Variants in PLXND1 observed in about 807,000 individuals in gnomAD.
PLXND1 encodes the protein plexin D1, also known as plexin-D1.
A neutral mutation model predicts 197.7 loss-of-function variants in PLXND1; 54 were observed. The observed-to-expected ratio is 0.27, with a 90% CI of 0.22 to 0.34. The LOEUF is 0.34. Ranked by LOEUF, PLXND1 falls within the 10% of genes least tolerant of loss-of-function variation. PLXND1 has a pLI of 1.00. For missense variants in PLXND1, 2,127 were observed against 2,699.2 expected (o/e 0.79, Z 4.70); for synonymous variants, 1,180 against 1,161.2 (o/e 1.02, Z -0.33).
At chr3:129,604,998 A>T (rs2085762179) in intron 1 of PLXND1, among the ~76,000 whole-genome samples, 1 of 152,058 alleles carries the variant, frequency 6.6e-6, no homozygotes, top group African/African-American at 2.4e-5. Flanking sequence ...CTCAGCATGC[A>T]CCTGTGACCC....
Position 129,563,086 on chromosome 3 carries a change from C to T in PLXND1, c.4668+8G>A, listed in dbSNP as rs776787680. The T allele has an allele frequency of 5.6e-6, 9 of 1,613,538 alleles. No homozygotes were observed. The East Asian group carries it at 6.7e-5, about 12-fold the overall frequency. On this transcript the variant is annotated splice_region_variant and intron_variant, in intron 26 of 35. Transcript: ENST00000324093. Reference sequence around the variant, plus strand: ...AGCCCTGGGACCCTCCCCGCCCTGCCGACTTACCCGGGGCTTGGCCTCGAT... The same window carrying T: ...AGCCCTGGGACCCTCCCCGCCCTGCTGACTTACCCGGGGCTTGGCCTCGAT...
Position 129,605,743 on chromosome 3 carries a change from C to T in PLXND1, c.897G>A (p.Leu299=). The change falls in exon 1 of 36, where the codon CTG becomes CTA. Residue 299 remains leucine (L), a synonymous_variant. Transcript: ENST00000324093. ...CCGCGCGCGCCTCGCTGTTGAGCGC[C>T]AGGTACGCGTAGGACTGTGCACCCG... ...PPPGAQSYAY[L]ALNSEARAGD... is the part of the protein sequence containing the mutation. The T allele has an allele frequency of 6.5e-7, 1 of 1,550,348 alleles. No individual in the cohort carries two copies. The highest frequency in any genetic ancestry group is 8.7e-7 in the Non-Finnish European group (1 of 1,148,498).
At position 129,577,178 on chromosome 3, in the gene PLXND1, G is replaced by A. The variant is rs1223121701; in HGVS notation, c.2346+1151C>T. Among the ~76,000 whole-genome samples, 8 of 152,118 alleles carry A rather than the reference G, an allele frequency of 5.3e-5. No homozygotes were observed. Among genetic ancestry groups the A allele is most frequent in the Non-Finnish European group, 1.0e-4 (7 of 68,000 alleles). The stretch of plus-strand genomic sequence containing the variant: ...CACCTCAGAACAGCACACCCGGCCC[G>A]TCCCAGAGCTCCCCAGGGTGTAGGC... On this transcript the variant is annotated intron_variant, in intron 9 of 35. Transcript: ENST00000324093. The surrounding 1 kb of genome is among the most constrained non-coding windows in gnomAD (Gnocchi z 5.0).
chr3:129,560,794 A>G, intron 29 of PLXND1, 71 bp from the exon 30 acceptor site: 1 of 918,900 alleles, frequency 1.1e-6, no homozygotes, highest in East Asian at 2.4e-5. Context: ...AGACAGAAAG[A>G]TGGAGTGAGA....
intron 1 of PLXND1, among the ~76,000 whole-genome samples, chr3:129,603,311 G>C (rs2085737168): frequency 6.6e-6 from 1 of 152,212 alleles, no homozygotes; most frequent in Non-Finnish European, 1.5e-5. Context: ...GCCCCCCTCA[G>C]CTGGGTGAGT....
Position 129,556,253 on chromosome 3 carries a change from T to C in PLXND1, c.*59A>G, listed in dbSNP as rs2084971429. 5.3e-6 allele frequency: 6 copies of C among 1,124,636 alleles called. No homozygotes were observed. Among genetic ancestry groups the C allele is most frequent in the South Asian group, 5.1e-5 (4 of 78,800 alleles). The allele number at this position is 1,124,636 out of a possible 1,614,324, so 69.7% of individuals were successfully genotyped here. A position where few individuals can be genotyped will look rare whatever the true frequency, so the allele number is the denominator to read the frequency against. On this transcript the variant is annotated 3_prime_UTR_variant, in exon 36 of 36. Transcript: ENST00000324093. ...CACAGGCACGGGGTAGAAGATCAAG[T>C]TGAGGCCCAGTGGGCGTCCATTTCT...
chr3:129,593,934 C>G (rs1302550973), intron 1 of PLXND1, among the ~76,000 whole-genome samples: 1 of 152,238 alleles, frequency 6.6e-6, no homozygotes, highest in Non-Finnish European at 1.5e-5. Flanking sequence ...GCTCTGCCCA[C>G]TCTCCCATTA....
chr3:129,606,594 C>T lies in PLXND1; in HGVS notation c.46G>A (p.Ala16Thr). The T allele has an allele frequency of 2.5e-6, 3 of 1,211,600 alleles. No individual in the cohort carries two copies. Among genetic ancestry groups the T allele is most frequent in the Non-Finnish European group, 3.1e-6 (3 of 975,636 alleles). The allele number at this position is 1,211,600 out of a possible 1,614,324, so 75.1% of individuals were successfully genotyped here. Residue 16 changes from alanine (A) to threonine (T), a missense_variant, in exon 1 of 36, where the codon GCC (alanine) becomes ACC (threonine). This residue lies in a region of PLXND1 where 245 missense variants were observed against 267.1 expected (regional missense o/e 0.92). Coordinates refer to ENST00000324093, the MANE Select transcript of PLXND1 (RefSeq NM_015103.3). Reference sequence around the variant, plus strand: ...TGGAACGGCGGGGGGCTGGCGGCGGCGGCCCGGGCGCTAAGGGGTGCGCCG... The same window carrying T: ...TGGAACGGCGGGGGGCTGGCGGCGGTGGCCCGGGCGCTAAGGGGTGCGCCG... ...AGGAPLSARA[A>T]AASPPPFQTP...
At chr3:129,561,510 C>T (rs892411654) in intron 29 of PLXND1, 136 bp downstream of exon 29, 11 of 651,882 alleles carry the variant, frequency 1.7e-5, no homozygotes, top group East Asian at 2.7e-5. Context: ...AGGCTGGCCC[C>T]GCCCAGCCCC....
intron 1 of PLXND1, 98 bp from the exon 2 acceptor site, chr3:129,589,625 T>G (rs1326313702): frequency 1.0e-5 from 11 of 1,080,302 alleles, no homozygotes; most frequent in Non-Finnish European, 1.3e-5. Context: ...CATCAGAGCT[T>G]TCAAGTCTTG....
intron 9 of PLXND1, among the ~76,000 whole-genome samples, 193 bp downstream of exon 9, chr3:129,578,136 C>T (rs1227104979): frequency 1.3e-5 from 2 of 152,220 alleles, no homozygotes; most frequent in East Asian, 3.9e-4. Context: ...CTTGCAGCCC[C>T]GTGCAGTCAG....
intron 30 of PLXND1, 78 bp downstream of exon 30, chr3:129,560,611 A>G: frequency 1.7e-6 from 2 of 1,189,976 alleles, no homozygotes; most frequent in Non-Finnish European, 2.5e-6. Context: ...ACTTTTCCCA[A>G]GAGGCCCAGG....
intron 1 of PLXND1, among the ~76,000 whole-genome samples, chr3:129,600,705 GTC>G (rs1263384141): frequency 1.3e-5 from 2 of 151,530 alleles, no homozygotes; most frequent in Non-Finnish European, 2.9e-5. Flanking sequence ...CCTGCCAAGT[GTC>G]TCTGCTTGCA....
Position 129,559,781 on chromosome 3 carries a change from G to A in PLXND1, c.5136C>T (p.Gly1712=). 6.3e-7 allele frequency: 1 copy of A among 1,599,090 alleles called. No individual in the cohort carries two copies. The highest frequency in any genetic ancestry group is 8.5e-7 in the Non-Finnish European group (1 of 1,172,346). ...IYLTRLLSTK[G]TLQKFLDDLF... ...GGTCATCCAGAAACTTCTGCAACGT[G>A]CCCTGCGGGGGAGTGGGGTGGCCGC... The change falls in exon 32 of 36, where the codon GGC becomes GGT. Residue 1712 remains glycine, a splice_region_variant and synonymous_variant. Transcript: ENST00000324093.
chr3:129,559,622 G>A lies in PLXND1; in HGVS notation c.5295C>T (p.Asn1765=), dbSNP rs1348082639. 2.5e-6 allele frequency: 4 copies of A among 1,598,740 alleles called. No individual in the cohort carries two copies. Among genetic ancestry groups the A allele is most frequent in the East Asian group, 2.2e-5 (1 of 44,656 alleles). Residue 1765 remains asparagine, a splice_region_variant and synonymous_variant, in exon 32 of 36, where the codon AAC becomes AAT. Coordinates refer to ENST00000324093, the MANE Select transcript of PLXND1 (RefSeq NM_015103.3). ...CACACGGCCCCCCCACCCGCCACCT[G>A]TTGGTCTTCCAGATGTGTAGGGTGT... is the stretch of plus-strand genomic sequence containing the variant. ...DPDTLHIWKT[N]SLPLRFWVNI... is the part of the protein sequence containing the mutation.
Position 129,605,496 on chromosome 3 carries a change from G to A in PLXND1, c.1144C>T (p.Arg382Cys), listed in dbSNP as rs766868357. 13 of 1,491,942 alleles carry A rather than the reference G, an allele frequency of 8.7e-6. No homozygotes were observed. Among genetic ancestry groups the A allele is most frequent in the Non-Finnish European group, 5.3e-6 (6 of 1,130,060 alleles). 92.4% of individuals were successfully genotyped at this position (1,491,942 alleles called of 1,614,324 possible). ...FERPQGSPAA[R>C]AAPAALCAFR... ...GCGCAGAGTGCGGCCGGAGCAGCGCGGGCCGCGGGGGACCCCTGGGGCCGC... is the reference window on the plus strand; with the variant it reads ...GCGCAGAGTGCGGCCGGAGCAGCGCAGGCCGCGGGGGACCCCTGGGGCCGC... The change falls in exon 1 of 36, where the codon CGC (arginine) becomes TGC (cysteine). Residue 382 changes from arginine to cysteine, a missense_variant. This residue lies in a region of PLXND1 where 1,095 missense variants were observed against 1,259.8 expected (regional missense o/e 0.87). Coordinates refer to ENST00000324093, the MANE Select transcript of PLXND1 (RefSeq NM_015103.3).
intron 1 of PLXND1, among the ~76,000 whole-genome samples, chr3:129,596,716 G>A (rs926800972): frequency 2.6e-5 from 4 of 152,146 alleles, no homozygotes; most frequent in African/African-American, 9.7e-5. Context: ...TTGGAGGTTC[G>A]ATCTCACACC....
At chr3:129,596,827 C>T (rs995975076) in intron 1 of PLXND1, among the ~76,000 whole-genome samples, 4 of 152,188 alleles carry the variant, frequency 2.6e-5, no homozygotes, top group Non-Finnish European at 5.9e-5. Flanking sequence ...AGTCATCGCA[C>T]GACCGCTGTG....
intron 1 of PLXND1, among the ~76,000 whole-genome samples, chr3:129,603,852 G>A (rs549440373): frequency 6.6e-6 from 1 of 152,320 alleles, no homozygotes; most frequent in East Asian, 1.9e-4. Context: ...GCTGAGTTCT[G>A]CATTTTGCTG....
Sources: gnomAD v4.1 joint callset for allele counts (sites outside exome capture counted in the v4.1 genomes callset) on GRCh38, gnomAD v4.1.1 for gene constraint, gnomAD v4.1.1 regional missense constraint, Gnocchi (gnomAD v3.1) non-coding constraint, MANE v1.5 for transcripts, NCBI Gene and HGNC (gene_info 2026-07-23, HGNC 2026-07-21) for gene names.